Variants in CFB observed in about 807,000 individuals in gnomAD.
The protein encoded by CFB is complement factor B, also known as B-factor, properdin.
A neutral mutation model predicts 97.2 loss-of-function variants in CFB; 59 were observed. That is an observed-to-expected ratio of 0.61 (90% CI 0.49 to 0.75). The LOEUF is 0.75. Ranked by LOEUF, CFB falls within the 30% of genes least tolerant of loss-of-function variation. The probability of loss-of-function intolerance (pLI) is 0.00; values close to 1 mark genes in which losing one functional copy is unlikely to be tolerated. For missense variants in CFB, 771 were observed against 959.8 expected (o/e 0.80, Z 2.60); for synonymous variants, 316 against 351.7 (o/e 0.90, Z 1.14).
rs1364257553 is a variant in CFB, at chr6:31,950,756, T to C, written c.1762T>C (p.Tyr588His). Reference sequence around the variant, plus strand: ...GATCAAGCTCAAGAATAAGCTGAAATATGGCCAGACTATCAGGTGAGAGCG... The same window carrying C: ...GATCAAGCTCAAGAATAAGCTGAAACATGGCCAGACTATCAGGTGAGAGCG... ...ALIKLKNKLK[Y>H]GQTIRPICLP... The change falls in exon 13 of 18, where the codon TAT becomes CAT. Residue 588 changes from tyrosine (Y) to histidine (H), a missense_variant. Physicochemically the swap from Tyr to His is moderately conservative, Grantham distance 83. Coordinates refer to ENST00000425368, the MANE Select transcript of CFB (RefSeq NM_001710.6). 1.3e-5 allele frequency: 21 copies of C among 1,612,878 alleles called. No homozygotes were observed. The highest frequency in any genetic ancestry group is 1.6e-5 in the Non-Finnish European group (19 of 1,180,034).
At chr6:31,949,815 C>A in intron 10 of CFB, 1 of 681,704 alleles carries the variant, frequency 1.5e-6, no homozygotes, top group South Asian at 1.8e-5. Context: ...CAAGGGACAG[C>A]AAGTTAGCAA....
At position 31,949,808 on chromosome 6, in the gene CFB, G is replaced by C. The variant is rs575383260; in HGVS notation, c.1409-242G>C. ...GGAAACAGAAGCCAAAGGAGGTCAA[G>C]GGACAGCAAGTTAGCAACAAGGGTG... is the stretch of plus-strand genomic sequence containing the variant. On this transcript the variant is annotated intron_variant, in intron 10 of 17. Coordinates refer to ENST00000425368, the MANE Select transcript of CFB (RefSeq NM_001710.6). 1.0e-5 allele frequency: 7 copies of C among 685,364 alleles called. No individual in the cohort carries two copies. The East Asian group carries it at 1.6e-4, about 16-fold the overall frequency. 42.5% of individuals were successfully genotyped at this position (685,364 alleles called of 1,614,324 possible).
In CFB at chr6:31,951,192, A is replaced by T. The variant is rs1363199422; in HGVS notation, c.1904A>T (p.Glu635Val). 1.2e-6 allele frequency: 2 copies of T among 1,612,940 alleles called. No homozygotes were observed. The highest frequency in any genetic ancestry group is 1.7e-6 in the Non-Finnish European group (2 of 1,180,006). ...GATATCAAAGCTCTGTTTGTGTCTG[A>T]GGAGGAGAAAAAGCTGACTCGGAAG... ...AQDIKALFVS[E>V]EEKKLTRKEV... The change falls in exon 15 of 18, where the codon GAG (glutamate) becomes GTG (valine). Residue 635 changes from glutamate to valine, a missense_variant. Glu to Val is a moderately radical substitution (Grantham distance 121). Coordinates refer to ENST00000425368, the MANE Select transcript of CFB (RefSeq NM_001710.6). This position sits in a 1 kb window ranked among gnomAD's most constrained non-coding sequence, Gnocchi z 4.3.
chr6:31,951,983 C>T lies in CFB; in HGVS notation c.2248C>T (p.Pro750Ser). 1.2e-6 allele frequency: 2 copies of T among 1,613,078 alleles called. No individual in the cohort carries two copies. Among genetic ancestry groups the T allele is most frequent in the Non-Finnish European group, 1.7e-6 (2 of 1,180,052 alleles). ...TCACATCAACCTCTTTCAAGTGCTGCCCTGGCTGAAGGAGAAACTCCAAGA... is the reference window on the plus strand; with the variant it reads ...TCACATCAACCTCTTTCAAGTGCTGTCCTGGCTGAAGGAGAAACTCCAAGA... ...DFHINLFQVL[P>S]WLKEKLQDED... The change falls in exon 18 of 18, where the codon CCC (proline) becomes TCC (serine). Residue 750 changes from proline to serine, a missense_variant. Physicochemically the swap from Pro to Ser is moderately conservative, Grantham distance 74 (BLOSUM62 -1). Transcript: ENST00000425368. The surrounding 1 kb of genome is among the most constrained non-coding windows in gnomAD (Gnocchi z 4.3).
At chr6:31,950,466 C>A in intron 12 of CFB, 63 bp downstream of exon 12, 1 of 1,563,030 alleles carries the variant, frequency 6.4e-7, no homozygotes, top group Non-Finnish European at 8.8e-7. Flanking sequence ...CTCCCACTTT[C>A]TACAGATCCT....
chr6:31,947,436 C>A lies in CFB; in HGVS notation c.573C>A (p.Cys191Ter). 6.2e-7 allele frequency: 1 copy of A among 1,613,030 alleles called. No homozygotes were observed. Among genetic ancestry groups the A allele is most frequent in the Non-Finnish European group, 8.5e-7 (1 of 1,180,020 alleles). ...TTGAAGACAGCGTCACCTACCACTG[C>A]AGCCGGGGGCTTACCCTGCGTGGCT... ...YRLEDSVTYH[C>*]SRGLTLRGSQ... The change falls in exon 4 of 18, where the codon TGC becomes TGA. Residue 191 changes from cysteine (C) to a stop codon, truncating the protein, a stop_gained. Transcript: ENST00000425368. LOFTEE classifies it high-confidence loss of function. This position sits in a 1 kb window ranked among gnomAD's most constrained non-coding sequence, Gnocchi z 5.3.
chr6:31,948,740 A>G, intron 7 of CFB, 90 bp from the exon 8 acceptor site: 1 of 1,604,080 alleles, frequency 6.2e-7, no homozygotes, highest in South Asian at 1.1e-5. Context: ...AAAAGTTGAA[A>G]GATGTGGGAT....
chr6:31,949,852 C>A (rs1771642869), intron 10 of CFB, 198 bp from the exon 11 acceptor site: 5 of 707,146 alleles, frequency 7.1e-6, no homozygotes, highest in Admixed American at 2.2e-5. Flanking sequence ...AACAGCCAGG[C>A]CTCTGACAGC....
At position 31,949,494 on chromosome 6, in the gene CFB, G is replaced by C; in HGVS notation, c.1345G>C (p.Glu449Gln). Reference sequence around the variant, plus strand: ...TGCTTTGGCTTCCAAGAAAGACAATGAGCAACATGTGTTCAAAGTCAAGGA... The same window carrying C: ...TGCTTTGGCTTCCAAGAAAGACAATCAGCAACATGTGTTCAAAGTCAAGGA... ...INALASKKDN[E>Q]QHVFKVKDME... The change falls in exon 10 of 18, where the codon GAG (glutamate) becomes CAG (glutamine). Residue 449 changes from glutamate to glutamine, a missense_variant. Glu to Gln is a conservative substitution (Grantham distance 29). Transcript: ENST00000425368. 12 of 1,613,944 alleles carry C rather than the reference G, an allele frequency of 7.4e-6. No homozygotes were observed. The highest frequency in any genetic ancestry group is 1.0e-5 in the Non-Finnish European group (12 of 1,180,034).
intron 10 of CFB, 111 bp downstream of exon 10, chr6:31,949,668 C>A: frequency 7.7e-7 from 1 of 1,297,690 alleles, no homozygotes; most frequent in East Asian, 2.5e-5. Context: ...TTCTTCATTC[C>A]TCCTTCTCTA....
In CFB at chr6:31,946,730, T is replaced by C; in HGVS notation, c.298+124T>C. ...GGCTGACCGGGAGTAGGAGCAGTTT[T>C]AGGGTGGCAGGCGGAAAGGGGGCAA... On this transcript the variant is annotated intron_variant, in intron 2 of 17. Transcript: ENST00000425368. This position sits in a 1 kb window ranked among gnomAD's most constrained non-coding sequence, Gnocchi z 6.4. 1.0e-6 allele frequency: 1 copy of C among 976,572 alleles called. No homozygotes were observed. The highest frequency in any genetic ancestry group is 1.6e-6 in the Non-Finnish European group (1 of 635,454). 60.5% of individuals were successfully genotyped at this position (976,572 alleles called of 1,614,324 possible). A position where few individuals can be genotyped will look rare whatever the true frequency, so the allele number is the denominator to read the frequency against.
Position 31,952,057 on chromosome 6 carries a change from GGATT to G in CFB, c.*30_*33del, listed in dbSNP as rs755649238. The stretch of plus-strand genomic sequence containing the variant: ...GGGTTTCCTGCTGGACAGGGGCGTG[GGATT>G]GAATTAAAACAGCTGCGACAACACC... On this transcript the variant is annotated 3_prime_UTR_variant, in exon 18 of 18. Transcript: ENST00000425368. 4 of 1,611,410 alleles carry G rather than the reference GGATT, an allele frequency of 2.5e-6. No homozygotes were observed. Among genetic ancestry groups the G allele is most frequent in the Non-Finnish European group, 3.4e-6 (4 of 1,179,978 alleles).
At position 31,947,963 on chromosome 6, in the gene CFB, A is replaced by G. The variant is rs1056157758; in HGVS notation, c.779A>G (p.Lys260Arg). The change falls in exon 6 of 18, where the codon AAG becomes AGG. Residue 260 changes from lysine to arginine, a missense_variant. Physicochemically the swap from Lys to Arg is conservative, Grantham distance 26. Transcript: ENST00000425368. This position sits in a 1 kb window ranked among gnomAD's most constrained non-coding sequence, Gnocchi z 5.3. Reference protein sequence around the residue: ...GHGPGEQQKRKIVLDPSGSMN... With the variant: ...GHGPGEQQKRRIVLDPSGSMN... Reference sequence around the variant, plus strand: ...CACCCAGGGGAACAACAGAAGCGGAAGATCGTCCTGGACCCTTCAGGCTCC... The same window carrying G: ...CACCCAGGGGAACAACAGAAGCGGAGGATCGTCCTGGACCCTTCAGGCTCC... 1 of 1,614,200 alleles carries G rather than the reference A, an allele frequency of 6.2e-7. No individual in the cohort carries two copies. The highest frequency in any genetic ancestry group is 1.3e-5 in the African/African-American group (1 of 75,058).
chr6:31,951,606 T>C lies in CFB; in HGVS notation c.2139+2T>C. ...CACAAGAGAAGTCGTTTCATTCAAGTGAGTCCTCCCTTTCCTATCTGGGGA... is the reference window on the plus strand; with the variant it reads ...CACAAGAGAAGTCGTTTCATTCAAGCGAGTCCTCCCTTTCCTATCTGGGGA... On this transcript the variant is annotated splice_donor_variant, in intron 17 of 17. Coordinates refer to ENST00000425368, the MANE Select transcript of CFB (RefSeq NM_001710.6). LOFTEE classifies it high-confidence loss of function. This position sits in a 1 kb window ranked among gnomAD's most constrained non-coding sequence, Gnocchi z 4.3. The C allele has an allele frequency of 6.2e-7, 1 of 1,614,200 alleles. No homozygotes were observed. Among genetic ancestry groups the C allele is most frequent in the Non-Finnish European group, 8.5e-7 (1 of 1,180,036 alleles).
intron 8 of CFB, 66 bp from the exon 9 acceptor site, chr6:31,949,177 G>A (rs1399136417): frequency 1.3e-6 from 2 of 1,545,764 alleles, no homozygotes; most frequent in Admixed American, 3.4e-5. Context: ...CCTGCCATGT[G>A]TATCCCTGCC....
chr6:31,950,581 C>T (rs1227740904), intron 12 of CFB, 38 bp from the exon 13 acceptor site: 57 of 1,612,460 alleles, frequency 3.5e-5, no homozygotes, highest in Non-Finnish European at 4.7e-5. Flanking sequence ...AGGCAGGAAG[C>T]TGCCCACAAA....
At chr6:31,949,027 T>G in intron 8 of CFB, 66 bp downstream of exon 8, 1 of 1,607,468 alleles carries the variant, frequency 6.2e-7, no homozygotes, top group Non-Finnish European at 8.5e-7. Context: ...GGCCCTTAAG[T>G]CCACTTGTAA....
At position 31,951,156 on chromosome 6, in the gene CFB, TC is replaced by T. The variant is rs1771737768; in HGVS notation, c.1871del (p.Pro624LeufsTer17). On this transcript the variant is annotated frameshift_variant, in exon 15 of 18. Coordinates refer to ENST00000425368, the MANE Select transcript of CFB (RefSeq NM_001710.6). LOFTEE classifies it high-confidence loss of function. This position sits in a 1 kb window ranked among gnomAD's most constrained non-coding sequence, Gnocchi z 4.3. ...TCTATTCGTCCAGAGGAAGAGCTGC[TC>T]CCTGCACAGGATATCAAAGCTCTGT... ...TTCQQQKEEL[L>X]PAQDIKALFV... 1 of 1,612,796 alleles carries T rather than the reference TC, an allele frequency of 6.2e-7. No individual in the cohort carries two copies. The highest frequency in any genetic ancestry group is 8.5e-7 in the Non-Finnish European group (1 of 1,179,960).
rs1324242907 is a variant in CFB at position 31,946,667 on chromosome 6, G to T, written c.298+61G>T. The T allele has an allele frequency of 1.4e-6, 2 of 1,464,498 alleles. No individual in the cohort carries two copies. Among genetic ancestry groups the T allele is most frequent in the Non-Finnish European group, 1.9e-6 (2 of 1,067,012 alleles). 90.7% of individuals were successfully genotyped at this position (1,464,498 alleles called of 1,614,324 possible). On this transcript the variant is annotated intron_variant, in intron 2 of 17. Transcript: ENST00000425368. This position sits in a 1 kb window ranked among gnomAD's most constrained non-coding sequence, Gnocchi z 6.4. ...CAGAAACAGGGCAGGCGGCAGCAAG[G>T]TCAGGACTAGGATGAGACTAGGCAG...
Sources: gnomAD v4.1 joint callset for allele counts on GRCh38, gnomAD v4.1.1 for gene constraint, Gnocchi (gnomAD v3.1) non-coding constraint, MANE v1.5 for transcripts, NCBI Gene and HGNC (gene_info 2026-07-23, HGNC 2026-07-21) for gene names.